The following ARHGAP10 variants were observed in gnomAD, a reference collection of about 807,000 sequenced individuals.
ARHGAP10 encodes rho GTPase-activating protein 10.
In ARHGAP10, 87 loss-of-function variants were observed where a neutral mutation model predicts 108.6. That is an observed-to-expected ratio of 0.80 (90% confidence interval 0.67 to 0.96). ARHGAP10 has a LOEUF of 0.96. Among genes scored for constraint, ARHGAP10 ranks in the 40% least tolerant of loss-of-function variants. ARHGAP10 has a pLI of 0.00. For missense variants in ARHGAP10, 939 were observed against 954.5 expected, an observed-to-expected ratio of 0.98 and a Z score of 0.21; for synonymous variants, 347 against 341.1, an observed-to-expected ratio of 1.02 and a Z score of -0.19.
At chr4:147,941,639 T>A (rs1007850957) in intron 14 of ARHGAP10, among the ~76,000 whole-genome samples, 2 of 152,188 alleles carry the variant, frequency 1.3e-5, no homozygotes, top group Non-Finnish European at 2.9e-5. Flanking sequence ...GATACTGACT[T>A]GTTACCTCCT....
At chr4:147,988,548 T>C (rs1740129004) in intron 18 of ARHGAP10, among the ~76,000 whole-genome samples, 1 of 152,182 alleles carries the variant, frequency 6.6e-6, no homozygotes, top group Non-Finnish European at 1.5e-5. Flanking sequence ...GATGAGAGCT[T>C]TGGGTTCTGT....
At chr4:148,059,641 A>C (rs1164298285) in intron 20 of ARHGAP10, among the ~76,000 whole-genome samples, 1 of 152,132 alleles carries the variant, frequency 6.6e-6, no homozygotes, top group African/African-American at 2.4e-5. Context: ...ACCACAGAGT[A>C]CAAAAAAAAT....
chr4:148,000,215 A>G (rs113136778), intron 18 of ARHGAP10, among the ~76,000 whole-genome samples: 21,210 of 151,772 alleles, frequency 0.14, 2,308 homozygotes, highest in African/African-American at 0.31. Flanking sequence ...GCTGAGAAGG[A>G]TGGTTTCCAG....
chr4:148,005,722 T>C (rs1289705375), intron 18 of ARHGAP10, among the ~76,000 whole-genome samples: 1 of 152,102 alleles, frequency 6.6e-6, no homozygotes, highest in Admixed American at 6.6e-5. Context: ...ACACCTTAAA[T>C]TCTTATGTCC....
chr4:147,933,632 C>T (rs1252969505), intron 13 of ARHGAP10, among the ~76,000 whole-genome samples: 1 of 152,122 alleles, frequency 6.6e-6, no homozygotes, highest in African/African-American at 2.4e-5. Context: ...GCTTTCTGCC[C>T]CAGATGGACC....
intron 1 of ARHGAP10, among the ~76,000 whole-genome samples, chr4:147,736,120 C>G (rs1728401124): frequency 6.9e-6 from 1 of 144,634 alleles, no homozygotes. Flanking sequence ...AATTGTCTAG[C>G]TGTGTGTGTG....
rs1394864473 is a variant in ARHGAP10, at chr4:147,822,880, T to G, written c.251-16T>G. 1.9e-6 allele frequency: 3 copies of G among 1,613,802 alleles called. No individual in the cohort carries two copies. The highest frequency in any genetic ancestry group is 1.7e-6 in the Non-Finnish European group (2 of 1,179,820). ...TTTGCCATGGCCACCAAATAATCAC[T>G]CCTTTCTTCTTACAGATGCTTCCTT... On this transcript the variant is annotated splice_polypyrimidine_tract_variant and intron_variant, in intron 2 of 22. Coordinates refer to ENST00000336498, the MANE Select transcript of ARHGAP10 (RefSeq NM_024605.4).
intron 5 of ARHGAP10, chr4:147,861,549 A>ATG (rs1010562572): frequency 2.0e-5 from 3 of 152,402 alleles, no homozygotes; most frequent in Non-Finnish European, 4.4e-5. Context: ...TCCAAGAGGA[A>ATG]TGAGGTATGG....
rs569980266 is a variant in ARHGAP10 at position 147,797,224 on chromosome 4, A to G, written c.155-25503A>G. Among the ~76,000 whole-genome samples the G allele has an allele frequency of 8.6e-5, 13 of 151,000 alleles. No homozygotes were observed. The South Asian group carries it at 2.3e-3, about 27-fold the overall frequency. The stretch of plus-strand genomic sequence containing the variant: ...TATTCAATTTTTTTTTTCTTTTGGT[A>G]TCACTTCTGTGTTTAAAATTCTTCC... On this transcript the variant is annotated intron_variant, in intron 1 of 22. Transcript: ENST00000336498.
At chr4:148,070,873 T>C (rs1173118841) in intron 22 of ARHGAP10, among the ~76,000 whole-genome samples, 3 of 152,144 alleles carry the variant, frequency 2.0e-5, no homozygotes, top group Non-Finnish European at 4.4e-5. Flanking sequence ...TGCTCACAGC[T>C]GGGGGTTATG....
chr4:147,968,631 G>A (rs1453197078), intron 18 of ARHGAP10, among the ~76,000 whole-genome samples: 1 of 152,138 alleles, frequency 6.6e-6, no homozygotes, highest in Admixed American at 6.5e-5. Flanking sequence ...GGGAAAACAT[G>A]ATTTTAAATA....
At chr4:147,821,166 C>CT (rs1428940620) in intron 1 of ARHGAP10, among the ~76,000 whole-genome samples, 1 of 152,138 alleles carries the variant, frequency 6.6e-6, no homozygotes, top group African/African-American at 2.4e-5. Context: ...TCGTGAAGGA[C>CT]TGAGGGTTCC....
intron 1 of ARHGAP10, among the ~76,000 whole-genome samples, chr4:147,737,711 T>G (rs1056587906): frequency 6.6e-6 from 1 of 152,120 alleles, no homozygotes; most frequent in Non-Finnish European, 1.5e-5. Flanking sequence ...CAGTGGCTGG[T>G]CTCCAGTGTG....
chr4:147,753,498 C>G (rs7669809), intron 1 of ARHGAP10, among the ~76,000 whole-genome samples: 21,061 of 150,736 alleles, frequency 0.14, 1,932 homozygotes, highest in African/African-American at 0.26. Flanking sequence ...TGTGCACCAC[C>G]GTACCTGGCT....
At chr4:147,787,772 T>G (rs1730952289) in intron 1 of ARHGAP10, among the ~76,000 whole-genome samples, 1 of 152,112 alleles carries the variant, frequency 6.6e-6, no homozygotes, top group South Asian at 2.1e-4. Flanking sequence ...TCGCCTTGTG[T>G]GCACAGCCTA....
intron 10 of ARHGAP10, among the ~76,000 whole-genome samples, chr4:147,883,615 C>T (rs540973005): frequency 1.4e-4 from 22 of 152,272 alleles, no homozygotes; most frequent in African/African-American, 5.3e-4. Flanking sequence ...CCCAAGGTCA[C>T]GTAGCTAGTG....
chr4:147,887,038 C>T (rs368983244), intron 10 of ARHGAP10, among the ~76,000 whole-genome samples: 21 of 152,066 alleles, frequency 1.4e-4, no homozygotes, highest in African/African-American at 4.1e-4. Flanking sequence ...ATTACAGGCG[C>T]GAGTCACCCT....
chr4:147,797,580 A>C (rs544556645), intron 1 of ARHGAP10, among the ~76,000 whole-genome samples: 1 of 151,748 alleles, frequency 6.6e-6, no homozygotes, highest in Admixed American at 6.6e-5. Context: ...ACCCAGCTAA[A>C]TTTTGTATTT....
chr4:148,071,594 C>T (rs996784490), intron 22 of ARHGAP10, among the ~76,000 whole-genome samples: 6 of 151,762 alleles, frequency 4.0e-5, no homozygotes, highest in South Asian at 2.1e-4. Flanking sequence ...CCAGCCTGGG[C>T]GACAGAGCGA....
Sources: allele counts gnomAD v4.1 joint callset (sites outside exome capture counted in the v4.1 genomes callset), GRCh38; gene constraint gnomAD v4.1.1; transcripts MANE v1.5; gene names NCBI Gene and HGNC (gene_info 2026-07-23, HGNC 2026-07-21).